SH3GL3: variants seen among roughly 807,000 people sequenced by gnomAD.
SH3GL3 encodes the protein endophilin-A3.
Under a neutral mutation model 47.7 loss-of-function variants are expected in SH3GL3, and 33 were observed. The observed-to-expected ratio is 0.69, with a 90% CI of 0.52 to 0.92. The LOEUF (loss-of-function observed/expected upper bound fraction) is 0.92. SH3GL3 is among the 40% of genes least tolerant of loss of function. The pLI, the probability that SH3GL3 is intolerant of heterozygous loss-of-function variation, is 0.00. For missense variants in SH3GL3, 363 were observed against 417.8 expected (o/e 0.87, Z 1.14); for synonymous variants, 155 against 148.8 (o/e 1.04, Z -0.30).
intron 8 of SH3GL3, among the ~76,000 whole-genome samples, chr15:83,593,876 T>C (rs2151817314): frequency 6.6e-6 from 1 of 152,204 alleles, no homozygotes; most frequent in Admixed American, 6.5e-5. Flanking sequence ...TGGAGTGCAG[T>C]GGCGCAGTCG....
At chr15:83,581,676 C>T (rs1459610390) in intron 6 of SH3GL3, among the ~76,000 whole-genome samples, 3 of 152,148 alleles carry the variant, frequency 2.0e-5, no homozygotes, top group Non-Finnish European at 4.4e-5. Flanking sequence ...AGATGAATCA[C>T]CAAAGGAAGG....
rs749284676 is a variant in SH3GL3, at chr15:83,559,304, T to C, written c.97T>C (p.Phe33Leu). 2.3e-5 allele frequency: 36 copies of C among 1,586,748 alleles called. No homozygotes were observed. Among genetic ancestry groups the C allele is most frequent in the Non-Finnish European group, 3.0e-5 (35 of 1,155,130 alleles). The change falls in exon 2 of 9, where the codon TTT becomes CTT. Residue 33 changes from phenylalanine to leucine, a missense_variant. Phe to Leu is a conservative substitution (Grantham distance 22). Transcript: ENST00000427482. Reference sequence around the variant, plus strand: ...TGAAGGAACTAAACTAGACGATGAATTTCTTGACATGGAAAGGGTAAGAGC... The same window carrying C: ...TGAAGGAACTAAACTAGACGATGAACTTCTTGACATGGAAAGGGTAAGAGC... ...GAEGTKLDDE[F>L]LDMERKIDVT...
At chr15:83,608,503 GT>G (rs2060586089) in intron 8 of SH3GL3, among the ~76,000 whole-genome samples, 1 of 152,194 alleles carries the variant, frequency 6.6e-6, no homozygotes, top group Admixed American at 6.5e-5. Flanking sequence ...GAGAAAGTAT[GT>G]GCTTCAAATG....
chr15:83,513,602 A>G (rs2042862069), intron 1 of SH3GL3, among the ~76,000 whole-genome samples: 1 of 151,908 alleles, frequency 6.6e-6, no homozygotes, highest in Non-Finnish European at 1.5e-5. Flanking sequence ...ACCACTGAGA[A>G]CACTTCCCTC....
intron 1 of SH3GL3, among the ~76,000 whole-genome samples, chr15:83,527,575 C>T (rs985835651): frequency 1.3e-5 from 2 of 151,996 alleles, no homozygotes; most frequent in African/African-American, 4.8e-5. Flanking sequence ...TACCTTTTTC[C>T]ATCCCTTTAC....
intron 8 of SH3GL3, among the ~76,000 whole-genome samples, chr15:83,606,872 T>C (rs915280593): frequency 2.6e-5 from 4 of 152,222 alleles, no homozygotes; most frequent in Non-Finnish European, 4.4e-5. Flanking sequence ...TTCTTAATAA[T>C]TTGAAATGTG....
chr15:83,461,212 T>C (rs1013636974), intron 1 of SH3GL3, among the ~76,000 whole-genome samples: 2 of 152,234 alleles, frequency 1.3e-5, no homozygotes, highest in African/African-American at 4.8e-5. Flanking sequence ...GTTTTGATTT[T>C]TCTCATAAAG....
At chr15:83,619,463 C>T (rs898454481), downstream of SH3GL3, among the ~76,000 whole-genome samples, 5 of 152,024 alleles carry the variant, frequency 3.3e-5, no homozygotes, top group South Asian at 2.1e-4. Flanking sequence ...TAATGCGTGT[C>T]GGGCTTAATA....
At chr15:83,458,786 T>C (rs1347512051) in intron 1 of SH3GL3, among the ~76,000 whole-genome samples, 1 of 152,240 alleles carries the variant, frequency 6.6e-6, no homozygotes, top group Admixed American at 6.5e-5. Flanking sequence ...CTCTGCACTA[T>C]TGTTTCTTCT....
At chr15:83,573,683 G>A (rs1259859616) in intron 5 of SH3GL3, among the ~76,000 whole-genome samples, 2 of 152,138 alleles carry the variant, frequency 1.3e-5, no homozygotes, top group Non-Finnish European at 2.9e-5. Flanking sequence ...CTTGGACCGT[G>A]GGCCTTGAGG....
At chr15:83,623,585 C>G (rs1475565395), downstream of SH3GL3, among the ~76,000 whole-genome samples, 2 of 152,238 alleles carry the variant, frequency 1.3e-5, no homozygotes, top group Admixed American at 1.3e-4. Flanking sequence ...GCTGCGCCTG[C>G]TACCATCTCG....
chr15:83,469,975 A>G (rs1376361488), intron 1 of SH3GL3, among the ~76,000 whole-genome samples: 1 of 152,044 alleles, frequency 6.6e-6, no homozygotes, highest in Non-Finnish European at 1.5e-5. Flanking sequence ...GCTTTACATA[A>G]TTTGCAGCTC....
intron 8 of SH3GL3, among the ~76,000 whole-genome samples, chr15:83,612,110 T>C (rs1306720046): frequency 6.6e-6 from 1 of 152,012 alleles, no homozygotes; most frequent in Non-Finnish European, 1.5e-5. Context: ...TCTCTTCCAA[T>C]AGAAAGCATA....
chr15:83,594,117 C>T (rs1440787770), intron 8 of SH3GL3, among the ~76,000 whole-genome samples: 1 of 152,130 alleles, frequency 6.6e-6, no homozygotes, highest in East Asian at 1.9e-4. Context: ...CTAGGCCTGG[C>T]CTTCATAGAT....
chr15:83,489,653 G>A (rs956970913), intron 1 of SH3GL3, among the ~76,000 whole-genome samples: 2 of 152,194 alleles, frequency 1.3e-5, no homozygotes, highest in African/African-American at 4.8e-5. Flanking sequence ...TCTGCTTTGT[G>A]ATCTTGGGAA....
rs548301410 is a variant in SH3GL3, at chr15:83,581,080, C to T, written c.624+4339C>T. Among the ~76,000 whole-genome samples the T allele has an allele frequency of 3.9e-5, 6 of 152,320 alleles. No homozygotes were observed. In the East Asian group the frequency reaches 9.6e-4, roughly 24 times the overall value. On this transcript the variant is annotated intron_variant, in intron 6 of 8. Coordinates refer to ENST00000427482, the MANE Select transcript of SH3GL3 (RefSeq NM_003027.5). ...CCTGGGGGAAGAGCTGGTGCCTTCTCCAGCCCTCATGTCTCATCATCCTGG... is the reference window on the plus strand; with the variant it reads ...CCTGGGGGAAGAGCTGGTGCCTTCTTCAGCCCTCATGTCTCATCATCCTGG...
chr15:83,627,269 C>T, the SH3GL3 span, among the ~76,000 whole-genome samples: 2 of 151,816 alleles, frequency 1.3e-5, no homozygotes, highest in Non-Finnish European at 2.9e-5. Flanking sequence ...TGGTGGCGGG[C>T]ACCTGTAGTC....
At chr15:83,540,441 G>A (rs1032964240) in intron 1 of SH3GL3, among the ~76,000 whole-genome samples, 9 of 152,026 alleles carry the variant, frequency 5.9e-5, no homozygotes, top group South Asian at 4.1e-4. Flanking sequence ...TTTATACATC[G>A]TGAGGCTGTG....
chr15:83,594,282 T>G (rs1213823817), intron 8 of SH3GL3, among the ~76,000 whole-genome samples: 4 of 152,236 alleles, frequency 2.6e-5, no homozygotes, highest in Admixed American at 2.6e-4. Flanking sequence ...ATATGGTGAA[T>G]TACATTGTTA....
Sources: allele counts gnomAD v4.1 joint callset (sites outside exome capture counted in the v4.1 genomes callset), GRCh38; gene constraint gnomAD v4.1.1; transcripts MANE v1.5; gene names NCBI Gene and HGNC (gene_info 2026-07-23, HGNC 2026-07-21).